Variants in KMT2C observed in about 807,000 individuals in gnomAD.
KMT2C encodes the protein lysine methyltransferase 2C, also known as histone-lysine N-methyltransferase 2C.
Under a neutral mutation model 507.9 loss-of-function variants are expected in KMT2C, and 88 were observed. That is an observed-to-expected ratio of 0.17 (90% confidence interval 0.15 to 0.21). The LOEUF is 0.21. Ranked by LOEUF, KMT2C falls within the 10% of genes least tolerant of loss-of-function variation. KMT2C has a pLI of 1.00. For synonymous variants in KMT2C, 2,049 were observed against 2,080.8 expected, an observed-to-expected ratio of 0.98 and a Z score of 0.42; for missense variants, 4,954 against 5,957.8, an observed-to-expected ratio of 0.83 and a Z score of 5.55.
intron 2 of KMT2C, among the ~76,000 whole-genome samples, chr7:152,337,964 C>T (rs2096953588): frequency 6.6e-6 from 1 of 151,994 alleles, no homozygotes; most frequent in Non-Finnish European, 1.5e-5. Flanking sequence ...TCACGCCATT[C>T]TCCTGCCTCA....
At chr7:152,157,015 A>T (rs2092096534) in intron 44 of KMT2C, among the ~76,000 whole-genome samples, 1 of 152,230 alleles carries the variant, frequency 6.6e-6, no homozygotes. Context: ...TCAAATTACA[A>T]ATTTTGCAAA....
chr7:152,143,233 AAC>A (rs1231759492), intron 55 of KMT2C, among the ~76,000 whole-genome samples: 2 of 152,218 alleles, frequency 1.3e-5, no homozygotes, highest in Non-Finnish European at 2.9e-5. Context: ...CAGCAGAGAA[AAC>A]ACAGATACTC....
chr7:152,402,931 G>C (rs2097581953), intron 1 of KMT2C: 80 of 147,812 alleles, frequency 5.4e-4, no homozygotes, highest in African/African-American at 2.1e-3. Context: ...GAATTTTAAA[G>C]TTAGCAAAGG....
At chr7:152,324,934 G>C (rs2129208318) in intron 3 of KMT2C, among the ~76,000 whole-genome samples, 1 of 152,126 alleles carries the variant, frequency 6.6e-6, no homozygotes, top group East Asian at 1.9e-4. Flanking sequence ...AAGTAATCGA[G>C]TAATGTTTAT....
At chr7:152,255,140 T>TATATATAC (rs1431722417) in intron 9 of KMT2C, among the ~76,000 whole-genome samples, 116 of 125,428 alleles carry the variant, frequency 9.2e-4, no homozygotes, top group Non-Finnish European at 6.3e-4. Flanking sequence ...TATATATATA[T>TATATATAC]ATATACATAT....
intron 7 of KMT2C, among the ~76,000 whole-genome samples, chr7:152,268,910 G>A (rs1020583368): frequency 2.0e-5 from 3 of 152,144 alleles, no homozygotes; most frequent in Non-Finnish European, 4.4e-5. Context: ...AAATCGAGGT[G>A]TGCAGTAAGC....
intron 2 of KMT2C, among the ~76,000 whole-genome samples, chr7:152,337,016 C>T (rs1436806867): frequency 2.0e-5 from 3 of 152,104 alleles, no homozygotes; most frequent in African/African-American, 7.2e-5. Context: ...ATTGACCTGG[C>T]GTGGTGGCTC....
At chr7:152,425,111 T>C (rs67186262) in intron 1 of KMT2C, among the ~76,000 whole-genome samples, 7,470 of 152,280 alleles carry the variant, frequency 0.049, 306 homozygotes, top group African/African-American at 0.1. Flanking sequence ...TAGACTACCA[T>C]CTCCTTTATT....
At chr7:152,333,539 T>TAA (rs2129214011) in intron 2 of KMT2C, among the ~76,000 whole-genome samples, 1 of 152,350 alleles carries the variant, frequency 6.6e-6, no homozygotes, top group Admixed American at 6.5e-5. Context: ...TTCCACACCA[T>TAA]ATTTTAACTA....
At chr7:152,391,334 C>G (rs994565548) in intron 1 of KMT2C, among the ~76,000 whole-genome samples, 2 of 137,938 alleles carry the variant, frequency 1.4e-5, no homozygotes, top group African/African-American at 5.4e-5. Flanking sequence ...CCTCCGCCTC[C>G]CGGGTGCAAG....
At chr7:152,365,198 C>CA (rs913623247) in intron 1 of KMT2C, among the ~76,000 whole-genome samples, 33 of 151,840 alleles carry the variant, frequency 2.2e-4, no homozygotes, top group African/African-American at 6.0e-4. Context: ...AAACATGCAG[C>CA]AAAAAAAAGT....
At chr7:152,305,414 G>A (rs147179782) in intron 6 of KMT2C, among the ~76,000 whole-genome samples, 74 of 152,330 alleles carry the variant, frequency 4.9e-4, no homozygotes, top group Non-Finnish European at 7.3e-4. Flanking sequence ...GTGGATCTGC[G>A]TCTGCGTACT....
chr7:152,357,472 C>T (rs990110543), intron 2 of KMT2C, among the ~76,000 whole-genome samples: 5 of 152,078 alleles, frequency 3.3e-5, no homozygotes, highest in Non-Finnish European at 7.4e-5. Flanking sequence ...GCAGAGCTTG[C>T]AGTGAGCTGA....
Position 152,180,077 on chromosome 7 carries a change from A to G in KMT2C, c.7199T>C (p.Ile2400Thr). The change falls in exon 37 of 59, where the codon ATT (isoleucine) becomes ACT (threonine). Residue 2400 changes from isoleucine to threonine, a missense_variant. Physicochemically the swap from Ile to Thr is moderately conservative, Grantham distance 89. Transcript: ENST00000262189. ...TGACCCCTTCTCCTGTCGACCTGCA[A>G]TCTTCTTCTGCTGTTGCTGCTGGAG... ...IILQQQQQKK[I>T]AGRQEKGSQD... 6.2e-7 allele frequency: 1 copy of G among 1,614,182 alleles called. No individual in the cohort carries two copies. Among genetic ancestry groups the G allele is most frequent in the Non-Finnish European group, 8.5e-7 (1 of 1,180,036 alleles).
intron 28 of KMT2C, 110 bp downstream of exon 28, chr7:152,195,797 C>T (rs1036381014): frequency 2.3e-5 from 14 of 610,986 alleles, no homozygotes; most frequent in Non-Finnish European, 2.8e-5. Flanking sequence ...AAGCCAAAAA[C>T]AAAAACACAG....
chr7:152,175,311 A>G (rs1237000876), intron 38 of KMT2C, among the ~76,000 whole-genome samples: 3 of 151,796 alleles, frequency 2.0e-5, no homozygotes, highest in Non-Finnish European at 4.4e-5. Flanking sequence ...ATGCCCAGCT[A>G]ATTTTTTGTT....
intron 3 of KMT2C, among the ~76,000 whole-genome samples, chr7:152,326,727 A>G (rs2096831882): frequency 6.6e-6 from 1 of 152,038 alleles, no homozygotes; most frequent in South Asian, 2.1e-4. Flanking sequence ...AAAAATACAA[A>G]AAAATTAGCC....
chr7:152,428,118 AGTAAG>A (rs1448827095), intron 1 of KMT2C, among the ~76,000 whole-genome samples: 1 of 152,206 alleles, frequency 6.6e-6, no homozygotes, highest in African/African-American at 2.4e-5. Flanking sequence ...AAAGTAATTT[AGTAAG>A]GTTCCTATCC....
intron 33 of KMT2C, 117 bp from the exon 34 acceptor site, chr7:152,185,748 G>A: frequency 1.4e-6 from 1 of 723,956 alleles, no homozygotes; most frequent in Non-Finnish European, 2.4e-6. Context: ...TTCTCATGAG[G>A]TCATAGACCT....
Sources: allele counts gnomAD v4.1 joint callset (sites outside exome capture counted in the v4.1 genomes callset), GRCh38; gene constraint gnomAD v4.1.1; transcripts MANE v1.5; gene names NCBI Gene and HGNC (gene_info 2026-07-23, HGNC 2026-07-21).